SYBU: variants seen among roughly 807,000 people sequenced by gnomAD.
SYBU encodes the protein syntabulin.
A neutral mutation model predicts 35.9 loss-of-function variants in SYBU; 21 were observed. The ratio of observed to expected loss-of-function variants is 0.58; its 90% CI spans 0.41 to 0.84. SYBU has a LOEUF of 0.84. Ranked by LOEUF, SYBU falls within the 40% of genes least tolerant of loss-of-function variation. The pLI is 0.00. For missense variants in SYBU, 768 were observed against 848.2 expected, an observed-to-expected ratio of 0.91 and a Z score of 1.17; for synonymous variants, 319 against 324.3, an observed-to-expected ratio of 0.98 and a Z score of 0.18.
rs903945250 is a variant in SYBU, at chr8:109,691,320, G to A, written c.-58+13C>T. On this transcript the variant is annotated intron_variant, in intron 1 of 7. Coordinates refer to the SYBU transcript ENST00000422135. This position sits in a 1 kb window ranked among gnomAD's most constrained non-coding sequence, Gnocchi z 4.7. ...CACTGACAGCAGAGACCGCATAGGCGCCCCGGTCTTACCCTTTCTCGCCCA... is the reference window on the plus strand; with the variant it reads ...CACTGACAGCAGAGACCGCATAGGCACCCCGGTCTTACCCTTTCTCGCCCA... 5.7e-6 allele frequency: 4 copies of A among 700,968 alleles called. No individual in the cohort carries two copies. The highest frequency in any genetic ancestry group is 5.2e-6 in the Non-Finnish European group (2 of 384,230). 43.4% of individuals were successfully genotyped at this position (700,968 alleles called of 1,614,324 possible).
At position 109,574,658 on chromosome 8, in the gene SYBU, G is replaced by A. The variant is rs139287654; in HGVS notation, c.*248C>T. 120 of 379,600 alleles carry A rather than the reference G, an allele frequency of 3.2e-4. No homozygotes were observed. In the East Asian group the frequency reaches 4.3e-3, roughly 14 times the overall value. The allele number at this position is 379,600 out of a possible 1,614,324, so 23.5% of individuals were successfully genotyped here. A position where few individuals can be genotyped will look rare whatever the true frequency, so the allele number is the denominator to read the frequency against. The stretch of plus-strand genomic sequence containing the variant: ...TAGGATAAGAACGGGTACCTCAGAC[G>A]ACACGGCAGGGTCATGAGCATGCTT... On this transcript the variant is annotated 3_prime_UTR_variant, in exon 7 of 7. Coordinates refer to ENST00000276646, the MANE Select transcript of SYBU (RefSeq NM_001099754.2).
chr8:109,645,037 C>T (rs1563760164), upstream of SYBU: 1 of 495,126 alleles, frequency 2.0e-6, no homozygotes, highest in Non-Finnish European at 3.9e-6. Flanking sequence ...GGAGCTCGGC[C>T]CGGTGTAGGC....
intron 3 of SYBU, among the ~76,000 whole-genome samples, chr8:109,587,363 C>T (rs1370532536): frequency 6.6e-6 from 1 of 152,150 alleles, no homozygotes; most frequent in Non-Finnish European, 1.5e-5. Flanking sequence ...GTAAAATAGA[C>T]ATTAATCTCA....
At chr8:109,576,052 A>AC (rs1822261841) in intron 6 of SYBU, 39 bp from the exon 7 acceptor site, 1 of 1,491,618 alleles carries the variant, frequency 6.7e-7, no homozygotes, top group Non-Finnish European at 8.8e-7. Context: ...TAAAAAAAAA[A>AC]AAAAAAAAAA....
At chr8:109,577,059 G>GGAA (rs1234044523) in intron 6 of SYBU, among the ~76,000 whole-genome samples, 2 of 152,052 alleles carry the variant, frequency 1.3e-5, no homozygotes, top group African/African-American at 2.4e-5. Context: ...AGATTAATTC[G>GGAA]GAAGATGAAA....
intron 1 of SYBU, among the ~76,000 whole-genome samples, chr8:109,658,592 A>T (rs1816443000): frequency 6.6e-6 from 1 of 152,196 alleles, no homozygotes; most frequent in Non-Finnish European, 1.5e-5. Context: ...TATTGGGGCC[A>T]ATGCTCTCAT....
intron 2 of SYBU, among the ~76,000 whole-genome samples, chr8:109,640,812 T>C (rs1586915840): frequency 8.1e-6 from 1 of 123,976 alleles, no homozygotes; most frequent in Admixed American, 8.0e-5. Context: ...AGCAAAAAAT[T>C]AGTTAGCAAA....
chr8:109,625,129 C>CT (rs35247092), intron 2 of SYBU, among the ~76,000 whole-genome samples: 20 of 149,946 alleles, frequency 1.3e-4, no homozygotes, highest in Admixed American at 4.0e-4. Flanking sequence ...AGAAAATGTG[C>CT]TTTTTTTAAA....
chr8:109,635,848 T>C (rs1284735918), intron 2 of SYBU, among the ~76,000 whole-genome samples: 1 of 152,240 alleles, frequency 6.6e-6, no homozygotes, highest in African/African-American at 2.4e-5. Context: ...AACACTTCCT[T>C]GCTGAAAACC....
upstream of SYBU, chr8:109,645,578 T>A (rs1815573188): frequency 3.1e-6 from 1 of 317,616 alleles, no homozygotes; most frequent in Admixed American, 3.9e-5. Context: ...CTCCAATCGG[T>A]CCCTTCAGCC....
intron 3 of SYBU, among the ~76,000 whole-genome samples, chr8:109,603,636 C>T (rs192799557): frequency 5.3e-5 from 8 of 152,166 alleles, no homozygotes; most frequent in Admixed American, 2.0e-4. Flanking sequence ...CAGAGTATTA[C>T]GAAAAATAAA....
upstream of SYBU, among the ~76,000 whole-genome samples, chr8:109,681,265 G>T (rs765286063): frequency 6.6e-6 from 1 of 152,108 alleles, no homozygotes; most frequent in Non-Finnish European, 1.5e-5. Flanking sequence ...CATAAAAGCA[G>T]TTAGTATAAA....
rs756479015 is a variant in SYBU, at chr8:109,584,621, G to C, written c.530+1439C>G. Among the ~76,000 whole-genome samples, 2 of 152,146 alleles carry C rather than the reference G, an allele frequency of 1.3e-5. No individual in the cohort carries two copies. Among genetic ancestry groups the C allele is most frequent in the African/African-American group, 2.4e-5 (1 of 41,420 alleles). ...TGGTGGTGGGTGGGGGCTGGGGATA[G>C]AGCAATTGTGCTTTATTACTGCGGA... On this transcript the variant is annotated intron_variant, in intron 4 of 6. Coordinates refer to ENST00000276646, the MANE Select transcript of SYBU (RefSeq NM_001099754.2). The surrounding 1 kb of genome is among the most constrained non-coding windows in gnomAD (Gnocchi z 4.0).
chr8:109,589,612 G>A (rs1325248403), intron 3 of SYBU, among the ~76,000 whole-genome samples: 8 of 152,198 alleles, frequency 5.3e-5, no homozygotes, highest in Non-Finnish European at 1.2e-4. Flanking sequence ...TCATAGCACT[G>A]CTGAACTCTT....
chr8:109,683,201 C>T (rs1587001868), upstream of SYBU, among the ~76,000 whole-genome samples: 1 of 152,218 alleles, frequency 6.6e-6, no homozygotes, highest in Non-Finnish European at 1.5e-5. Flanking sequence ...CCACTGACAG[C>T]TTGTACTGTG....
chr8:109,622,487 C>T (rs1422807954), intron 2 of SYBU, among the ~76,000 whole-genome samples: 4 of 152,126 alleles, frequency 2.6e-5, no homozygotes, highest in Non-Finnish European at 5.9e-5. Flanking sequence ...CCTGCCTCAG[C>T]CTCTCAAAGT....
At chr8:109,644,845 C>G, upstream of SYBU, 2 of 584,284 alleles carry the variant, frequency 3.4e-6, no homozygotes, top group South Asian at 5.2e-5. Flanking sequence ...CACGCCCGAC[C>G]CCGCCCCGGC....
chr8:109,618,820 C>T, intron 3 of SYBU, 22 bp downstream of exon 3: 4 of 1,609,980 alleles, frequency 2.5e-6, no homozygotes, highest in Non-Finnish European at 2.6e-6. Flanking sequence ...CTGATGAAAA[C>T]ATGACGAGTA....
In SYBU at chr8:109,636,046, C is replaced by A. The variant is rs189891482; in HGVS notation, c.229+6682G>T. On this transcript the variant is annotated intron_variant, in intron 2 of 6. Coordinates refer to ENST00000276646, the MANE Select transcript of SYBU (RefSeq NM_001099754.2). ...CTGTTGTCTTCTATCCAGGTGGTCTCACTCTTTACATTACTTGCCTAGTTC... is the reference window on the plus strand; with the variant it reads ...CTGTTGTCTTCTATCCAGGTGGTCTAACTCTTTACATTACTTGCCTAGTTC... 1.9e-3 allele frequency among the ~76,000 whole-genome samples: 291 copies of A among 152,284 alleles called. 1 individual carries two copies. Among genetic ancestry groups the A allele is most frequent in the African/African-American group, 6.2e-3 (259 of 41,560 alleles).
Sources: allele counts gnomAD v4.1 joint callset (sites outside exome capture counted in the v4.1 genomes callset), GRCh38; gene constraint gnomAD v4.1.1; non-coding constraint Gnocchi (gnomAD v3.1); transcripts MANE v1.5; gene names NCBI Gene and HGNC (gene_info 2026-07-23, HGNC 2026-07-21).